RNF220: variants seen among roughly 807,000 people sequenced by gnomAD.
RNF220 encodes the protein E3 ubiquitin-protein ligase RNF220.
Under a neutral mutation model 67.1 loss-of-function variants are expected in RNF220, and 7 were observed. The ratio of observed to expected loss-of-function variants is 0.10; its 90% CI spans 0.06 to 0.20. The LOEUF (loss-of-function observed/expected upper bound fraction) is 0.20, where lower values mean the gene tolerates loss of function less well. Ranked by LOEUF, RNF220 falls within the 10% of genes least tolerant of loss-of-function variation. RNF220 has a pLI of 1.00. For missense variants in RNF220, 565 were observed against 740.3 expected (o/e 0.76, Z 2.75); for synonymous variants, 270 against 283.2 (o/e 0.95, Z 0.47).
At chr1:44,500,918 C>T (rs1246236422) in intron 2 of RNF220, among the ~76,000 whole-genome samples, 1 of 152,202 alleles carries the variant, frequency 6.6e-6, no homozygotes, top group Non-Finnish European at 1.5e-5. Context: ...GGCGAAGCAC[C>T]CTTCGGGCAT....
intron 2 of RNF220, among the ~76,000 whole-genome samples, chr1:44,435,620 G>C (rs565748661): frequency 6.6e-6 from 1 of 152,162 alleles, no homozygotes; most frequent in South Asian, 2.1e-4. Flanking sequence ...TCAAATAATT[G>C]GATTTTCAAG....
intron 1 of RNF220, among the ~76,000 whole-genome samples, chr1:44,410,008 T>G (rs1397534134): frequency 6.6e-6 from 1 of 152,206 alleles, no homozygotes; most frequent in Admixed American, 6.5e-5. Context: ...GTAATGAAGT[T>G]TTCAAATGAA....
intron 2 of RNF220, among the ~76,000 whole-genome samples, chr1:44,541,450 A>G (rs1324200465): frequency 1.3e-5 from 2 of 152,232 alleles, no homozygotes; most frequent in Non-Finnish European, 2.9e-5. Flanking sequence ...AGAAAAAACA[A>G]AGTCACACAG....
chr1:44,638,098 A>G lies in RNF220; in HGVS notation c.1126+1936A>G, dbSNP rs1259619762. Among the ~76,000 whole-genome samples the G allele has an allele frequency of 4.6e-5, 7 of 152,312 alleles. No individual in the cohort carries two copies. The South Asian group carries it at 1.4e-3, about 32-fold the overall frequency. On this transcript the variant is annotated intron_variant, in intron 8 of 14. Coordinates refer to ENST00000361799, the MANE Select transcript of RNF220 (RefSeq NM_018150.4). ...CTGATCCCTACTGCCTCTGCCCCCA[A>G]AACCCTGTCTGCAAAAGCTGGCCAT... is the stretch of plus-strand genomic sequence containing the variant.
At chr1:44,508,119 C>G (rs1452993342) in intron 2 of RNF220, among the ~76,000 whole-genome samples, 1 of 138,434 alleles carries the variant, frequency 7.2e-6, no homozygotes, top group African/African-American at 2.7e-5. Context: ...TGAATTTAAC[C>G]TTTGAAAAGC....
intron 2 of RNF220, among the ~76,000 whole-genome samples, chr1:44,434,045 A>T (rs748075817): frequency 1.3e-5 from 2 of 152,194 alleles, no homozygotes; most frequent in Non-Finnish European, 2.9e-5. Context: ...GAAAAGTATT[A>T]TGACTGATTA....
chr1:44,621,801 C>T lies in RNF220; in HGVS notation c.759-941C>T, dbSNP rs59790609. Among the ~76,000 whole-genome samples the T allele has an allele frequency of 0.041, 6,308 of 152,164 alleles. 316 individuals carry two copies. Among genetic ancestry groups the T allele is most frequent in the East Asian group, 0.15 (790 of 5,172 alleles). ...CGGGTATATCTGCAGGTGTGCTGTA[C>T]GTTATACCTCATATGTGTGTCTGTG... is the stretch of plus-strand genomic sequence containing the variant. On this transcript the variant is annotated intron_variant, in intron 3 of 14. Transcript: ENST00000361799. This position sits in a 1 kb window ranked among gnomAD's most constrained non-coding sequence, Gnocchi z 4.8.
chr1:44,503,843 A>G (rs536445994), intron 2 of RNF220, among the ~76,000 whole-genome samples: 1 of 151,866 alleles, frequency 6.6e-6, no homozygotes, highest in East Asian at 1.9e-4. Flanking sequence ...GGGCCCAGCC[A>G]TCCGTGGGTT....
At chr1:44,532,042 G>T (rs368296486) in intron 2 of RNF220, among the ~76,000 whole-genome samples, 1 of 152,082 alleles carries the variant, frequency 6.6e-6, no homozygotes, top group Non-Finnish European at 1.5e-5. Flanking sequence ...TCTAAAGTCA[G>T]TGCAGATGAC....
intron 2 of RNF220, among the ~76,000 whole-genome samples, chr1:44,587,730 C>T (rs555681683): frequency 1.3e-5 from 2 of 152,304 alleles, no homozygotes; most frequent in South Asian, 4.1e-4. Context: ...CCTGCTTGAG[C>T]CTTTGTTTCC....
chr1:44,523,983 C>T (rs3862233), intron 2 of RNF220, among the ~76,000 whole-genome samples: 10 of 152,098 alleles, frequency 6.6e-5, no homozygotes, highest in Non-Finnish European at 1.0e-4. Flanking sequence ...CATTGTGAGT[C>T]GAGATACCTG....
chr1:44,645,635 G>A lies in RNF220; in HGVS notation c.1445+147G>A, dbSNP rs933190247. The stretch of plus-strand genomic sequence containing the variant: ...CCCTGGGCACACGGCCGGCAGTGGA[G>A]CCCAGCTGGTGCTAAGCGTGACTCT... On this transcript the variant is annotated intron_variant, in intron 12 of 14. Transcript: ENST00000361799. This position sits in a 1 kb window ranked among gnomAD's most constrained non-coding sequence, Gnocchi z 5.0. The A allele has an allele frequency of 5.3e-6, 4 of 751,918 alleles. No individual in the cohort carries two copies. Among genetic ancestry groups the A allele is most frequent in the African/African-American group, 3.5e-5 (2 of 57,062 alleles). 46.6% of individuals were successfully genotyped at this position (751,918 alleles called of 1,614,324 possible).
At chr1:44,629,742 A>C (rs947331167) in intron 5 of RNF220, among the ~76,000 whole-genome samples, 1 of 152,238 alleles carries the variant, frequency 6.6e-6, no homozygotes, top group African/African-American at 2.4e-5. Flanking sequence ...TAGAAGGAGG[A>C]GAAAATCAGA....
At chr1:44,494,516 AGC>A (rs771123772) in intron 2 of RNF220, among the ~76,000 whole-genome samples, 19 of 152,124 alleles carry the variant, frequency 1.2e-4, no homozygotes, top group Non-Finnish European at 1.6e-4. Flanking sequence ...CATAACATGG[AGC>A]ACCAGGCAGC....
chr1:44,627,481 A>G (rs907290571), intron 5 of RNF220, among the ~76,000 whole-genome samples: 1 of 151,914 alleles, frequency 6.6e-6, no homozygotes, highest in African/African-American at 2.4e-5. Flanking sequence ...ATAGGAAGGG[A>G]GTCATCACAC....
intron 2 of RNF220, among the ~76,000 whole-genome samples, chr1:44,426,222 T>C (rs1028138290): frequency 7.2e-5 from 11 of 152,194 alleles, no homozygotes; most frequent in African/African-American, 2.7e-4. Flanking sequence ...AGAGGCACAG[T>C]GCTTTGGCCT....
chr1:44,426,857 A>C (rs147595704), intron 2 of RNF220, among the ~76,000 whole-genome samples: 54 of 152,324 alleles, frequency 3.5e-4, no homozygotes, highest in African/African-American at 1.3e-3. Flanking sequence ...TTCCAGGGTT[A>C]TTCCTCCAAG....
At chr1:44,463,260 G>A (rs1253512318) in intron 2 of RNF220, among the ~76,000 whole-genome samples, 1 of 151,896 alleles carries the variant, frequency 6.6e-6, no homozygotes, top group East Asian at 1.9e-4. Context: ...GTTTCAACCC[G>A]GGAGGCAGAA....
intron 2 of RNF220, among the ~76,000 whole-genome samples, chr1:44,500,158 G>A (rs1308440447): frequency 1.3e-5 from 2 of 152,236 alleles, no homozygotes; most frequent in African/African-American, 4.8e-5. Context: ...TTCAAAGTAA[G>A]ATCCAAACCT....
Sources: gnomAD v4.1 joint callset for allele counts (sites outside exome capture counted in the v4.1 genomes callset) on GRCh38, gnomAD v4.1.1 for gene constraint, Gnocchi (gnomAD v3.1) non-coding constraint, MANE v1.5 for transcripts, NCBI Gene and HGNC (gene_info 2026-07-23, HGNC 2026-07-21) for gene names.